TMCC3: variants seen among roughly 807,000 people sequenced by gnomAD.
TMCC3 encodes transmembrane and coiled-coil domain family 3.
TMCC3 carries 28 observed loss-of-function variants against 40.2 expected under a neutral mutation model. The observed-to-expected ratio is 0.70, with a 90% CI of 0.52 to 0.95. The LOEUF is 0.95. Among genes scored for constraint, TMCC3 ranks in the 40% least tolerant of loss-of-function variants. TMCC3 has a pLI of 0.00. For synonymous variants in TMCC3, 255 were observed against 248.5 expected (o/e 1.03, Z -0.25); for missense variants, 554 against 615.2 (o/e 0.90, Z 1.05).
At chr12:94,608,078 A>G (rs2068794003) in intron 1 of TMCC3, among the ~76,000 whole-genome samples, 1 of 152,226 alleles carries the variant, frequency 6.6e-6, no homozygotes, top group African/African-American at 2.4e-5. Context: ...GTAGTGAACA[A>G]TCAGTGAATA....
rs2068603714 is a variant in TMCC3, at chr12:94,581,815, T to C, written c.802A>G (p.Asn268Asp). The stretch of plus-strand genomic sequence containing the variant: ...CCAGCCCCAAACGACTGGTTTCCGT[T>C]ACTGTCGGCCGAGCCTGACGTGCCA... ...SSGTSGSADS[N>D]GNQSFGAGGA... Residue 268 changes from asparagine to aspartate, a missense_variant, in exon 2 of 4, where the codon AAC becomes GAC. By Grantham distance (23) the Asn-to-Asp change is conservative (BLOSUM62 1). Coordinates refer to ENST00000261226, the MANE Select transcript of TMCC3 (RefSeq NM_020698.4). The C allele has an allele frequency of 6.2e-7, 1 of 1,614,082 alleles. No individual in the cohort carries two copies. Among genetic ancestry groups the C allele is most frequent in the African/African-American group, 1.3e-5 (1 of 75,056 alleles).
intron 1 of TMCC3, among the ~76,000 whole-genome samples, chr12:94,635,200 C>A (rs545752166): frequency 6.6e-6 from 1 of 152,280 alleles, no homozygotes; most frequent in South Asian, 2.1e-4. Context: ...AAGTGACAAA[C>A]CAACTTAAAT....
intron 3 of TMCC3, among the ~76,000 whole-genome samples, 157 bp downstream of exon 3, chr12:94,578,237 G>A (rs1364430660): frequency 6.6e-6 from 1 of 151,824 alleles, no homozygotes; most frequent in African/African-American, 2.4e-5. Flanking sequence ...TGAACTAGTG[G>A]GGTTAACGTG....
In TMCC3 at chr12:94,569,351, C is replaced by G. The variant is rs968035790; in HGVS notation, c.*2084G>C. 1 of 152,496 alleles carries G rather than the reference C, an allele frequency of 6.6e-6. No individual in the cohort carries two copies. Among genetic ancestry groups the G allele is most frequent in the African/African-American group, 2.4e-5 (1 of 41,456 alleles). 9.4% of individuals were successfully genotyped at this position (152,496 alleles called of 1,614,324 possible). A position where few individuals can be genotyped will look rare whatever the true frequency, so the allele number is the denominator to read the frequency against. The stretch of plus-strand genomic sequence containing the variant: ...AATACAAAAGCTAAAGGAAGCACAA[C>G]ATTCTCTCTGCCTCCCTGCCTTGCA... On this transcript the variant is annotated 3_prime_UTR_variant, in exon 4 of 4. Transcript: ENST00000261226.
chr12:94,615,060 T>A (rs1054780187), intron 1 of TMCC3, among the ~76,000 whole-genome samples: 2 of 152,190 alleles, frequency 1.3e-5, no homozygotes, highest in African/African-American at 4.8e-5. Context: ...GGGATCACTA[T>A]CAACAATGGG....
intron 1 of TMCC3, among the ~76,000 whole-genome samples, chr12:94,627,299 A>T (rs1439116685): frequency 3.9e-5 from 6 of 152,198 alleles, no homozygotes; most frequent in Admixed American, 3.9e-4. Context: ...CACCATGCAC[A>T]GCTGTCAGCA....
At chr12:94,573,072 G>A (rs950515934) in intron 3 of TMCC3, among the ~76,000 whole-genome samples, 4 of 152,200 alleles carry the variant, frequency 2.6e-5, no homozygotes, top group African/African-American at 7.2e-5. Context: ...AATGCAACAC[G>A]TACAAATGTG....
chr12:94,604,754 T>C (rs2068772656), intron 1 of TMCC3, among the ~76,000 whole-genome samples: 1 of 130,386 alleles, frequency 7.7e-6, no homozygotes, highest in Non-Finnish European at 1.5e-5. Context: ...CAGTGGGCCA[T>C]GATTGTGCCA....
intron 1 of TMCC3, among the ~76,000 whole-genome samples, chr12:94,625,455 G>T (rs770492249): frequency 1.3e-5 from 2 of 151,882 alleles, no homozygotes; most frequent in South Asian, 4.1e-4. Flanking sequence ...TTAGCCAGGC[G>T]TGGTGGTGCA....
At chr12:94,632,224 G>A (rs1481131634) in intron 1 of TMCC3, among the ~76,000 whole-genome samples, 1 of 152,194 alleles carries the variant, frequency 6.6e-6, no homozygotes, top group Admixed American at 6.5e-5. Flanking sequence ...AATTGAATGT[G>A]GGTTATAAGA....
intron 1 of TMCC3, among the ~76,000 whole-genome samples, chr12:94,623,139 C>T (rs545763698): frequency 9.5e-4 from 144 of 151,980 alleles, no homozygotes; most frequent in African/African-American, 3.2e-3. Flanking sequence ...CTTAATGTTG[C>T]CAAGAGCTCA....
chr12:94,600,239 GGTT>G (rs1323740744), intron 1 of TMCC3, among the ~76,000 whole-genome samples: 1 of 133,664 alleles, frequency 7.5e-6, no homozygotes, highest in African/African-American at 3.0e-5. Flanking sequence ...ACCAAATTCT[GGTT>G]TTTTTTTTTT....
chr12:94,624,049 G>T (rs145538550), intron 1 of TMCC3, among the ~76,000 whole-genome samples: 1 of 152,288 alleles, frequency 6.6e-6, no homozygotes, highest in African/African-American at 2.4e-5. Context: ...TTCATTAAAA[G>T]AAATTTTTAA....
At chr12:94,643,791 T>C (rs759881818) in intron 1 of TMCC3, among the ~76,000 whole-genome samples, 8 of 152,232 alleles carry the variant, frequency 5.3e-5, no homozygotes, top group Non-Finnish European at 1.2e-4. Context: ...TGCTCTCCAG[T>C]GTTCGCCACG....
chr12:94,569,500 G>A lies in TMCC3; in HGVS notation c.*1935C>T, dbSNP rs2068513961. On this transcript the variant is annotated 3_prime_UTR_variant, in exon 4 of 4. Coordinates refer to ENST00000261226, the MANE Select transcript of TMCC3 (RefSeq NM_020698.4). ...TGAGATCAGGGTGGGACTGGTAAGG[G>A]AGCTCTTCTCTGAATCCAAAATACT... 1 of 152,312 alleles carries A rather than the reference G, an allele frequency of 6.6e-6. No individual in the cohort carries two copies. The highest frequency in any genetic ancestry group is 2.1e-4 in the South Asian group (1 of 4,820). The allele number at this position is 152,312 out of a possible 1,614,324, so 9.4% of individuals were successfully genotyped here.
intron 1 of TMCC3, among the ~76,000 whole-genome samples, chr12:94,623,020 A>C (rs2068883920): frequency 6.6e-6 from 1 of 152,230 alleles, no homozygotes; most frequent in East Asian, 1.9e-4. Flanking sequence ...TTCTTGGGAT[A>C]TCTTACTTTT....
At chr12:94,575,532 G>A (rs2068558711) in intron 3 of TMCC3, among the ~76,000 whole-genome samples, 1 of 152,186 alleles carries the variant, frequency 6.6e-6, no homozygotes, top group South Asian at 2.1e-4. Context: ...AGACACTCCA[G>A]TCATTCACAC....
intron 1 of TMCC3, among the ~76,000 whole-genome samples, chr12:94,611,768 A>AC (rs1190689028): frequency 9.1e-6 from 1 of 109,802 alleles, no homozygotes; most frequent in Non-Finnish European, 2.0e-5. Flanking sequence ...GGGAATAATG[A>AC]CAAAAAAAAA....
At position 94,617,110 on chromosome 12, in the gene TMCC3, C is replaced by A. The variant is rs141746222; in HGVS notation, c.78+33243G>T. Among the ~76,000 whole-genome samples the A allele has an allele frequency of 7.9e-3, 1,202 of 152,262 alleles. 8 individuals are homozygous for A. Among genetic ancestry groups the A allele is most frequent in the Non-Finnish European group, 0.011 (782 of 68,000 alleles). ...GGGTGAAGGGACGAGTCAAGGAAAA[C>A]CCCACTTCTGTTTCATTCCTTCTGG... On this transcript the variant is annotated intron_variant, in intron 1 of 3. Transcript: ENST00000261226.
Sources: allele counts gnomAD v4.1 joint callset (sites outside exome capture counted in the v4.1 genomes callset), GRCh38; gene constraint gnomAD v4.1.1; transcripts MANE v1.5; gene names NCBI Gene and HGNC (gene_info 2026-07-23, HGNC 2026-07-21).